Variants in DNAJC5B observed in about 807,000 individuals in gnomAD.
DNAJC5B encodes DnaJ heat shock protein family (Hsp40) member C5 beta.
A neutral mutation model predicts 24.7 loss-of-function variants in DNAJC5B; 23 were observed. That is an observed-to-expected ratio of 0.93 (90% CI 0.67 to 1.32). The LOEUF is 1.32. Ranked by LOEUF, DNAJC5B falls within the 40% of genes most tolerant of loss-of-function variation. The probability of loss-of-function intolerance (pLI) is 0.00; values close to 1 mark genes in which losing one functional copy is unlikely to be tolerated. For synonymous variants in DNAJC5B, 101 were observed against 90.1 expected (o/e 1.12, Z -0.68); for missense variants, 238 against 240.8 (o/e 0.99, Z 0.08).
intron 1 of DNAJC5B, among the ~76,000 whole-genome samples, chr8:66,032,681 A>AATGTGCAT (rs1236425376): frequency 6.6e-6 from 1 of 152,194 alleles, no homozygotes; most frequent in African/African-American, 2.4e-5. Flanking sequence ...AACTGCTTAA[A>AATGTGCAT]ATGTGCATGA....
At chr8:66,040,776 T>C (rs932339747) in intron 1 of DNAJC5B, among the ~76,000 whole-genome samples, 1 of 152,218 alleles carries the variant, frequency 6.6e-6, no homozygotes, top group Non-Finnish European at 1.5e-5. Flanking sequence ...TTTCCAAGTG[T>C]TTCTAGAGAG....
At chr8:66,020,328 T>C (rs1806078125), upstream of DNAJC5B, among the ~76,000 whole-genome samples, 1 of 152,230 alleles carries the variant, frequency 6.6e-6, no homozygotes. Context: ...AAATGAAGCA[T>C]GATGTAAAAT....
At position 66,038,707 on chromosome 8, in the gene DNAJC5B, C is replaced by A. The variant is rs192311057; in HGVS notation, c.-141-4781C>A. Among the ~76,000 whole-genome samples the A allele has an allele frequency of 3.1e-4, 47 of 152,262 alleles. 1 individual carries two copies. In the East Asian group the frequency reaches 5.4e-3, roughly 17 times the overall value. ...CCTTTTTTTAAGCTAACGTTAGAGA[C>A]ATCTTGGGCTAATGGGAACAGGGAA... is the stretch of plus-strand genomic sequence containing the variant. On this transcript the variant is annotated intron_variant, in intron 1 of 5. Coordinates refer to ENST00000276570, the MANE Select transcript of DNAJC5B (RefSeq NM_033105.6).
chr8:66,065,477 C>G (rs906197950), intron 3 of DNAJC5B, among the ~76,000 whole-genome samples: 1 of 152,100 alleles, frequency 6.6e-6, no homozygotes, highest in Non-Finnish European at 1.5e-5. Flanking sequence ...AAATGGTGCC[C>G]CGAGCTTTCT....
intron 1 of DNAJC5B, among the ~76,000 whole-genome samples, chr8:66,042,135 C>T (rs1806624035): frequency 6.6e-6 from 1 of 152,100 alleles, no homozygotes. Context: ...CACTGCCTGT[C>T]TTGGAAGGCT....
intron 2 of DNAJC5B, among the ~76,000 whole-genome samples, chr8:66,047,770 G>A (rs1806753904): frequency 2.0e-5 from 3 of 152,230 alleles, no homozygotes; most frequent in South Asian, 4.1e-4. Context: ...CCCCTGAGGA[G>A]CTCAGAGTAT....
intron 1 of DNAJC5B, among the ~76,000 whole-genome samples, chr8:66,043,121 G>A (rs1586074678): frequency 6.6e-6 from 1 of 152,164 alleles, no homozygotes; most frequent in Admixed American, 6.5e-5. Flanking sequence ...AACTAGGCGA[G>A]GGTTAAATAT....
intron 1 of DNAJC5B, among the ~76,000 whole-genome samples, chr8:66,032,765 T>G (rs935128104): frequency 5.9e-5 from 9 of 152,212 alleles, no homozygotes; most frequent in African/African-American, 1.9e-4. Context: ...TTCTTTTTAT[T>G]TGCTCCTCAT....
At chr8:66,033,770 CTT>C (rs765814272) in intron 1 of DNAJC5B, among the ~76,000 whole-genome samples, 15,786 of 105,142 alleles carry the variant, frequency 0.15, 747 homozygotes, top group Middle Eastern at 0.19. Flanking sequence ...GATCATTCCG[CTT>C]TTTTTTTTTT....
intron 4 of DNAJC5B, among the ~76,000 whole-genome samples, chr8:66,077,345 G>A (rs1807490021): frequency 6.6e-6 from 1 of 152,156 alleles, no homozygotes; most frequent in African/African-American, 2.4e-5. Flanking sequence ...AAGGAAATTA[G>A]GGGGAAAAGG....
At chr8:66,071,643 G>C (rs907776123) in intron 3 of DNAJC5B, among the ~76,000 whole-genome samples, 1 of 152,138 alleles carries the variant, frequency 6.6e-6, no homozygotes, top group Non-Finnish European at 1.5e-5. Flanking sequence ...ATAGTGTGGC[G>C]ATTCCTCAAG....
intron 5 of DNAJC5B, among the ~76,000 whole-genome samples, chr8:66,086,675 G>A (rs1010278253): frequency 6.6e-6 from 1 of 152,088 alleles, no homozygotes; most frequent in African/African-American, 2.4e-5. Flanking sequence ...GGTGGGATGG[G>A]GAAGACTAAG....
chr8:66,088,332 AT>A (rs964249332), intron 5 of DNAJC5B, among the ~76,000 whole-genome samples: 6 of 150,804 alleles, frequency 4.0e-5, no homozygotes, highest in Middle Eastern at 3.4e-3. Flanking sequence ...CCAAGAAACC[AT>A]TTTTTTTTCT....
chr8:66,038,628 A>C (rs937615218), intron 1 of DNAJC5B, among the ~76,000 whole-genome samples: 8 of 152,310 alleles, frequency 5.3e-5, no homozygotes, highest in African/African-American at 1.9e-4. Context: ...ACATTCACTA[A>C]AAAGGACTAC....
intron 1 of DNAJC5B, among the ~76,000 whole-genome samples, chr8:66,023,053 G>A (rs7006789): frequency 0.47 from 71,470 of 152,174 alleles, 21,575 homozygotes; most frequent in African/African-American, 0.86. Flanking sequence ...GCAGCCTGTC[G>A]CATACTGCAG....
At chr8:66,036,625 G>A (rs1268204659) in intron 1 of DNAJC5B, among the ~76,000 whole-genome samples, 1 of 152,130 alleles carries the variant, frequency 6.6e-6, no homozygotes, top group Non-Finnish European at 1.5e-5. Context: ...TTTGGGGTGA[G>A]AAATATTTTG....
chr8:66,039,576 C>T (rs1276900814), intron 1 of DNAJC5B, among the ~76,000 whole-genome samples: 1 of 152,052 alleles, frequency 6.6e-6, no homozygotes, highest in Non-Finnish European at 1.5e-5. Context: ...TCTCGAGCTC[C>T]CGACCTCAGG....
At chr8:66,065,499 T>G (rs1807171207) in intron 3 of DNAJC5B, among the ~76,000 whole-genome samples, 1 of 152,208 alleles carries the variant, frequency 6.6e-6, no homozygotes, top group African/African-American at 2.4e-5. Flanking sequence ...TTCTGTCCCT[T>G]ATGAAGGACA....
upstream of DNAJC5B, among the ~76,000 whole-genome samples, chr8:66,017,225 C>T (rs1805978482): frequency 6.6e-6 from 1 of 152,186 alleles, no homozygotes; most frequent in East Asian, 1.9e-4. Context: ...TTTAACCTTT[C>T]AAAGCCAATA....
Sources: gnomAD v4.1 joint callset for allele counts (sites outside exome capture counted in the v4.1 genomes callset) on GRCh38, gnomAD v4.1.1 for gene constraint, MANE v1.5 for transcripts, NCBI Gene and HGNC (gene_info 2026-07-23, HGNC 2026-07-21) for gene names.